BIRC2: variants seen among roughly 807,000 people sequenced by gnomAD.
BIRC2 encodes the protein baculoviral IAP repeat-containing protein 2.
A neutral mutation model predicts 60.9 loss-of-function variants in BIRC2; 18 were observed. That is an observed-to-expected ratio of 0.30 (90% CI 0.20 to 0.44). BIRC2 has a LOEUF of 0.44. BIRC2 is among the 20% of genes least tolerant of loss of function. The probability of loss-of-function intolerance (pLI) is 1.00; values close to 1 mark genes in which losing one functional copy is unlikely to be tolerated. For synonymous variants in BIRC2, 282 were observed against 247.7 expected (o/e 1.14, Z -1.30); for missense variants, 701 against 728.5 (o/e 0.96, Z 0.43).
At chr11:102,368,164 G>T in intron 5 of BIRC2, 142 bp from the exon 6 acceptor site, 1 of 938,432 alleles carries the variant, frequency 1.1e-6, no homozygotes. Flanking sequence ...ACTTTTATTG[G>T]AGTTATAGGT....
intron 6 of BIRC2, among the ~76,000 whole-genome samples, chr11:102,377,262 ATAAAG>A (rs1252096537): frequency 1.3e-5 from 2 of 152,220 alleles, no homozygotes; most frequent in Non-Finnish European, 2.9e-5. Flanking sequence ...TTGCAACAAA[ATAAAG>A]TAAAAGCGGA....
rs1202062437 is a variant in BIRC2, at chr11:102,350,136, A to G, written c.282A>G (p.Lys94=). The stretch of plus-strand genomic sequence containing the variant: ...GTGGCCTGATGCTGGATAACTGGAA[A>G]CTAGGAGACAGTCCTATTCAAAAGC... ...FCCGLMLDNW[K]LGDSPIQKHK... Residue 94 remains lysine, a synonymous_variant, in exon 2 of 9, where the codon AAA becomes AAG. Transcript: ENST00000227758. 2 of 1,614,088 alleles carry G rather than the reference A, an allele frequency of 1.2e-6. No individual in the cohort carries two copies. Among genetic ancestry groups the G allele is most frequent in the East Asian group, 2.2e-5 (1 of 44,896 alleles).
chr11:102,378,383 A>G lies in BIRC2; in HGVS notation c.*200A>G. The stretch of plus-strand genomic sequence containing the variant: ...TCTTAATCTGTTTATTTACAAGGGA[A>G]GATTTATGTTTGGTGAACTATATTA... On this transcript the variant is annotated 3_prime_UTR_variant, in exon 9 of 9. Coordinates refer to ENST00000227758, the MANE Select transcript of BIRC2 (RefSeq NM_001166.5). 1 of 476,066 alleles carries G rather than the reference A, an allele frequency of 2.1e-6. No individual in the cohort carries two copies. The highest frequency in any genetic ancestry group is 3.6e-6 in the Non-Finnish European group (1 of 277,256). 29.5% of individuals were successfully genotyped at this position (476,066 alleles called of 1,614,324 possible).
In BIRC2 at chr11:102,349,360, A is replaced by T. The variant is rs866013284; in HGVS notation, c.-495A>T. ...ATAAAATGAGATTTTTTGGGTTGTC[A>T]TGTTAAAGTGCTTATAGGGAAAGAA... On this transcript the variant is annotated 5_prime_UTR_variant, in exon 2 of 9. An upstream start codon of the reference 5' UTR is lost. Coordinates refer to ENST00000227758, the MANE Select transcript of BIRC2 (RefSeq NM_001166.5). The T allele has an allele frequency of 1.3e-5, 2 of 152,454 alleles. No individual in the cohort carries two copies. Among genetic ancestry groups the T allele is most frequent in the Non-Finnish European group, 2.9e-5 (2 of 68,228 alleles). The allele number at this position is 152,454 out of a possible 1,614,324, so 9.4% of individuals were successfully genotyped here.
chr11:102,360,407 T>C (rs1358015366), intron 3 of BIRC2, among the ~76,000 whole-genome samples: 1 of 151,986 alleles, frequency 6.6e-6, no homozygotes, highest in Non-Finnish European at 1.5e-5. Flanking sequence ...TCACAGGTTC[T>C]TCTGCTTGAT....
chr11:102,360,146 T>C (rs1395439564), intron 3 of BIRC2, among the ~76,000 whole-genome samples: 1 of 152,124 alleles, frequency 6.6e-6, no homozygotes, highest in Non-Finnish European at 1.5e-5. Context: ...TTTGTATTTT[T>C]AGTAGAGACG....
rs774722381 is a variant in BIRC2, at chr11:102,368,334, T to A, written c.1152T>A (p.Ser384=). 1 of 1,613,548 alleles carries A rather than the reference T, an allele frequency of 6.2e-7. No homozygotes were observed. Among genetic ancestry groups the A allele is most frequent in the Non-Finnish European group, 8.5e-7 (1 of 1,179,728 alleles). Reference sequence around the variant, plus strand: ...TTCATTTTGGACCTGGAGAAAGTTCTTCAGAAGATGCTGTCATGATGAATA... The same window carrying A: ...TTCATTTTGGACCTGGAGAAAGTTCATCAGAAGATGCTGTCATGATGAATA... The part of the protein sequence containing the change: ...PIIHFGPGES[S]SEDAVMMNTP... The change falls in exon 6 of 9, where the codon TCT becomes TCA. Residue 384 remains serine (S), a synonymous_variant. Transcript: ENST00000227758.
At chr11:102,373,157 G>A (rs1951655004) in intron 6 of BIRC2, among the ~76,000 whole-genome samples, 1 of 151,394 alleles carries the variant, frequency 6.6e-6, no homozygotes, top group South Asian at 2.1e-4. Context: ...GGAGCATTTA[G>A]TCCATTTACA....
chr11:102,350,375 C>G lies in BIRC2; in HGVS notation c.521C>G (p.Thr174Ser), dbSNP rs1341267366. 2.5e-6 allele frequency: 4 copies of G among 1,614,220 alleles called. No homozygotes were observed. In the South Asian group the frequency reaches 4.4e-5, roughly 18 times the overall value. Residue 174 changes from threonine (T) to serine (S), a missense_variant, in exon 2 of 9, where the codon ACT becomes AGT. Physicochemically the swap from Thr to Ser is moderately conservative, Grantham distance 58 (BLOSUM62 1). This residue lies in a region of BIRC2 where 375 missense variants were observed against 365.9 expected (regional missense o/e 1.02). Transcript: ENST00000227758. ...GTTGAAGACATCTCTTCATCGAGGA[C>G]TAACCCCTACAGTTATGCAATGAGT... ...RAVEDISSSR[T>S]NPYSYAMSTE...
At chr11:102,368,166 G>A (rs1047694222) in intron 5 of BIRC2, 140 bp from the exon 6 acceptor site, 4 of 963,048 alleles carry the variant, frequency 4.2e-6, no homozygotes, top group East Asian at 2.5e-5. Context: ...TTTTATTGGA[G>A]TTATAGGTAA....
intron 3 of BIRC2, among the ~76,000 whole-genome samples, chr11:102,362,004 C>T (rs1471070997): frequency 1.3e-5 from 2 of 152,156 alleles, no homozygotes; most frequent in East Asian, 1.9e-4. Flanking sequence ...AACTTTCAGT[C>T]TGCGGCTTTT....
At position 102,350,516 on chromosome 11, in the gene BIRC2, T is replaced by A; in HGVS notation, c.662T>A (p.Phe221Tyr). The A allele has an allele frequency of 6.2e-7, 1 of 1,614,198 alleles. No individual in the cohort carries two copies. The highest frequency in any genetic ancestry group is 8.5e-7 in the Non-Finnish European group (1 of 1,180,034). Reference protein sequence around the residue: ...YIGPGDRVACFACGGKLSNWE... With the variant: ...YIGPGDRVACYACGGKLSNWE... ...GGACCTGGAGATAGGGTAGCCTGCT[T>A]TGCCTGTGGTGGGAAGCTCAGTAAC... The change falls in exon 2 of 9, where the codon TTT becomes TAT. Residue 221 changes from phenylalanine (F) to tyrosine (Y), a missense_variant. Physicochemically the swap from Phe to Tyr is conservative, Grantham distance 22. This residue lies in a region of BIRC2 where 375 missense variants were observed against 365.9 expected (regional missense o/e 1.02). Coordinates refer to ENST00000227758, the MANE Select transcript of BIRC2 (RefSeq NM_001166.5).
intron 6 of BIRC2, among the ~76,000 whole-genome samples, chr11:102,373,895 C>G (rs1029707122): frequency 1.4e-5 from 2 of 147,016 alleles, no homozygotes; most frequent in Non-Finnish European, 3.0e-5. Context: ...CTAAACTTCC[C>G]TTCTCGCTTC....
chr11:102,374,900 G>T (rs1294145155), intron 6 of BIRC2, among the ~76,000 whole-genome samples: 1 of 152,220 alleles, frequency 6.6e-6, no homozygotes, highest in Non-Finnish European at 1.5e-5. Context: ...TCTGAAAAGC[G>T]CAATATTCGG....
At chr11:102,347,620 C>T (rs1451177359) in intron 1 of BIRC2, 1 of 152,316 alleles carries the variant, frequency 6.6e-6, no homozygotes, top group East Asian at 1.9e-4. Flanking sequence ...GTTTTCAAGC[C>T]TCTGGCCGCC....
At chr11:102,368,269 T>G (rs1239261618) in intron 5 of BIRC2, 37 bp from the exon 6 acceptor site, 1 of 1,594,326 alleles carries the variant, frequency 6.3e-7, no homozygotes, top group Non-Finnish European at 8.6e-7. Flanking sequence ...GGTTTATGTT[T>G]GTGGAATTTA....
chr11:102,378,102 C>T lies in BIRC2; in HGVS notation c.1776C>T (p.Cys592=). ...VFIPCGHLVV[C]QECAPSLRKC... ...TTCCTTGTGGTCATCTGGTAGTATG[C>T]CAGGAATGTGCCCCTTCTCTAAGAA... The change falls in exon 9 of 9, where the codon TGC becomes TGT. Residue 592 remains cysteine (C), a synonymous_variant. Transcript: ENST00000227758. 1.2e-6 allele frequency: 2 copies of T among 1,613,470 alleles called. No individual in the cohort carries two copies. Among genetic ancestry groups the T allele is most frequent in the Non-Finnish European group, 8.5e-7 (1 of 1,179,678 alleles).
rs1442468772 is a variant in BIRC2 at position 102,378,209 on chromosome 11, G to C, written c.*26G>C. ...AGAAAAATAGTCTATATTTTAACCT[G>C]CATAAAAAGGTCTTTAAAATATTGT... On this transcript the variant is annotated 3_prime_UTR_variant, in exon 9 of 9. Coordinates refer to ENST00000227758, the MANE Select transcript of BIRC2 (RefSeq NM_001166.5). The C allele has an allele frequency of 1.3e-6, 2 of 1,501,626 alleles. No individual in the cohort carries two copies. Among genetic ancestry groups the C allele is most frequent in the African/African-American group, 2.8e-5 (2 of 70,556 alleles). The allele number at this position is 1,501,626 out of a possible 1,614,324, so 93.0% of individuals were successfully genotyped here.
At position 102,349,829 on chromosome 11, in the gene BIRC2, C is replaced by T. The variant is rs774270853; in HGVS notation, c.-26C>T. ...AAGAAATTTCATGTGAATGTTTTAG[C>T]TATCAAACAGTACTGTCACCTACTC... is the stretch of plus-strand genomic sequence containing the variant. On this transcript the variant is annotated 5_prime_UTR_variant, in exon 2 of 9. Coordinates refer to ENST00000227758, the MANE Select transcript of BIRC2 (RefSeq NM_001166.5). 1 of 1,531,780 alleles carries T rather than the reference C, an allele frequency of 6.5e-7. No individual in the cohort carries two copies. Among genetic ancestry groups the T allele is most frequent in the South Asian group, 1.3e-5 (1 of 77,146 alleles). 94.9% of individuals were successfully genotyped at this position (1,531,780 alleles called of 1,614,324 possible).
Sources: allele counts gnomAD v4.1 joint callset (sites outside exome capture counted in the v4.1 genomes callset), GRCh38; gene constraint gnomAD v4.1.1; regional missense constraint gnomAD v4.1.1; transcripts MANE v1.5; gene names NCBI Gene and HGNC (gene_info 2026-07-23, HGNC 2026-07-21).